Variants in ZNF480 observed in about 807,000 individuals in gnomAD.
The protein encoded by ZNF480 is zinc finger protein 480.
In ZNF480, 15 loss-of-function variants were observed where a neutral mutation model predicts 14.4. The observed-to-expected ratio is 1.04, with a 90% CI of 0.70 to 1.60. ZNF480 has a LOEUF of 1.60. ZNF480 is among the 40% of genes most tolerant of loss of function. The pLI is 0.00. For missense variants in ZNF480, 593 were observed against 629.7 expected, an observed-to-expected ratio of 0.94 and a Z score of 0.62; for synonymous variants, 218 against 215.5, an observed-to-expected ratio of 1.01 and a Z score of -0.10.
chr19:52,300,564 A>C, intron 2 of ZNF480, 80 bp downstream of exon 2: 12 of 1,594,916 alleles, frequency 7.5e-6, no homozygotes, highest in Non-Finnish European at 1.0e-5. Flanking sequence ...GTCTTCTCTG[A>C]GTCTGAAGTG....
chr19:52,300,642 G>A (rs1982646579), intron 2 of ZNF480, 158 bp downstream of exon 2: 9 of 1,314,768 alleles, frequency 6.8e-6, no homozygotes, highest in Admixed American at 6.3e-5. Flanking sequence ...CTTGGTCGTG[G>A]GGACCCTAAC....
At chr19:52,298,536 CAGG>C (rs1378953074) in intron 1 of ZNF480, among the ~76,000 whole-genome samples, 1 of 151,726 alleles carries the variant, frequency 6.6e-6, no homozygotes, top group Non-Finnish European at 1.5e-5. Flanking sequence ...GAGGCTGAGG[CAGG>C]AGAATTGCTT....
At chr19:52,303,672 T>A (rs1424349872) in intron 2 of ZNF480, among the ~76,000 whole-genome samples, 1 of 152,222 alleles carries the variant, frequency 6.6e-6, no homozygotes, top group Non-Finnish European at 1.5e-5. Flanking sequence ...TGTACTTGTT[T>A]TTCAATGAGT....
intron 2 of ZNF480, among the ~76,000 whole-genome samples, chr19:52,313,294 C>T (rs1017467260): frequency 2.0e-5 from 3 of 151,760 alleles, no homozygotes; most frequent in African/African-American, 7.3e-5. Flanking sequence ...CATACCACCA[C>T]GCCCAGCTAA....
chr19:52,298,610 G>A (rs1287047226), intron 1 of ZNF480, among the ~76,000 whole-genome samples: 2 of 150,632 alleles, frequency 1.3e-5, no homozygotes, highest in Admixed American at 1.3e-4. Flanking sequence ...CAGGCTGGGC[G>A]ACAAGAGCAA....
At position 52,315,435 on chromosome 19, in the gene ZNF480, CT is replaced by C. The variant is rs1463390614; in HGVS notation, c.200-398del. On this transcript the variant is annotated intron_variant, in intron 3 of 4. Coordinates refer to ENST00000595962, the MANE Select transcript of ZNF480 (RefSeq NM_144684.4). Reference sequence around the variant, plus strand: ...GGGTCAAATGATTCTCCTGCCTTAACTGCTCGAGTAGCTGGGATTAGAGGCA... The same window carrying C: ...GGGTCAAATGATTCTCCTGCCTTAACGCTCGAGTAGCTGGGATTAGAGGCA... Among the ~76,000 whole-genome samples the C allele has an allele frequency of 2.0e-5, 3 of 151,932 alleles. No individual in the cohort carries two copies. In the East Asian group the frequency reaches 5.8e-4, roughly 29 times the overall value.
rs914815305 is a variant in ZNF480 at position 52,322,194 on chromosome 19, A to T, written c.944A>T (p.Tyr315Phe). The T allele has an allele frequency of 2.5e-6, 4 of 1,614,118 alleles. No individual in the cohort carries two copies. The highest frequency in any genetic ancestry group is 3.4e-6 in the Non-Finnish European group (4 of 1,180,018). Residue 315 changes from tyrosine (Y) to phenylalanine (F), a missense_variant, in exon 5 of 5, where the codon TAC becomes TTC. Physicochemically the swap from Tyr to Phe is conservative, Grantham distance 22. Transcript: ENST00000595962. The stretch of plus-strand genomic sequence containing the variant: ...AGAATTCATGCTGAAGAGAAACCTT[A>T]CAAATGTAATGAATGTGGTAAAGGC... ...HQRIHAEEKPYKCNECGKGFS... is the reference protein window; with the variant it reads ...HQRIHAEEKPFKCNECGKGFS...
chr19:52,315,737 T>C (rs1433554568), intron 3 of ZNF480, 97 bp from the exon 4 acceptor site: 2 of 1,401,232 alleles, frequency 1.4e-6, no homozygotes, highest in South Asian at 1.5e-5. Context: ...TGAAATATTA[T>C]TCTTGATTCA....
chr19:52,319,916 C>G (rs2122559699), intron 4 of ZNF480, among the ~76,000 whole-genome samples: 1 of 148,326 alleles, frequency 6.7e-6, no homozygotes, highest in Admixed American at 6.8e-5. Flanking sequence ...CTCCCAGGTT[C>G]AAGCGATTCT....
In ZNF480 at chr19:52,324,034, G is replaced by A. The variant is rs888691844; in HGVS notation, c.*1176G>A. The stretch of plus-strand genomic sequence containing the variant: ...TTTCTCTTGCAGAAGATATAATTCT[G>A]TATTTAGAAAACCTGTTGTCTCTGC... On this transcript the variant is annotated 3_prime_UTR_variant, in exon 5 of 5. Transcript: ENST00000595962. 1 of 152,108 alleles carries A rather than the reference G, an allele frequency of 6.6e-6. No homozygotes were observed. Among genetic ancestry groups the A allele is most frequent in the African/African-American group, 2.4e-5 (1 of 41,432 alleles). 9.4% of individuals were successfully genotyped at this position (152,108 alleles called of 1,614,324 possible).
At chr19:52,298,034 A>G (rs894937233) in intron 1 of ZNF480, 4 of 152,476 alleles carry the variant, frequency 2.6e-5, no homozygotes, top group Non-Finnish European at 4.4e-5. Flanking sequence ...GAAAAAAGCA[A>G]CTGGAGAAAT....
chr19:52,297,546 A>C (rs3810122), intron 1 of ZNF480, among the ~76,000 whole-genome samples: 1 of 152,104 alleles, frequency 6.6e-6, no homozygotes, highest in African/African-American at 2.4e-5. Flanking sequence ...ATTCCGGTCT[A>C]TGCGGTCCCC....
intron 2 of ZNF480, 143 bp from the exon 3 acceptor site, chr19:52,314,010 C>T: frequency 2.2e-6 from 2 of 917,924 alleles, no homozygotes; most frequent in Non-Finnish European, 3.1e-6. Context: ...TTTACAGACA[C>T]ATAACTACAT....
Position 52,307,013 on chromosome 19 carries a change from C to T in ZNF480, c.72+6529C>T, listed in dbSNP as rs11880666. Reference sequence around the variant, plus strand: ...TAGCTGGCAAGGAAACCTTCTCTGTCACTTCTTCTGTACTTCATTACACTC... The same window carrying T: ...TAGCTGGCAAGGAAACCTTCTCTGTTACTTCTTCTGTACTTCATTACACTC... On this transcript the variant is annotated intron_variant, in intron 2 of 4. Coordinates refer to ENST00000595962, the MANE Select transcript of ZNF480 (RefSeq NM_144684.4). Among the ~76,000 whole-genome samples the T allele has an allele frequency of 5.5e-3, 837 of 152,248 alleles. 10 individuals are homozygous for T. Among genetic ancestry groups the T allele is most frequent in the African/African-American group, 0.019 (804 of 41,558 alleles).
At chr19:52,303,515 A>C (rs894955894) in intron 2 of ZNF480, among the ~76,000 whole-genome samples, 2 of 152,198 alleles carry the variant, frequency 1.3e-5, no homozygotes, top group Admixed American at 1.3e-4. Context: ...CAAATAATGA[A>C]TTAGAATCCA....
chr19:52,300,662 C>A, intron 2 of ZNF480, 178 bp downstream of exon 2: 1 of 1,044,128 alleles, frequency 9.6e-7, no homozygotes. Context: ...CCTAGTGGCA[C>A]TAGAGGAATT....
At position 52,315,920 on chromosome 19, in the gene ZNF480, A is replaced by G. The variant is rs372208396; in HGVS notation, c.286A>G (p.Lys96Glu). Residue 96 changes from lysine (K) to glutamate (E), a missense_variant, in exon 4 of 5, where the codon AAA becomes GAA. By Grantham distance (56) the Lys-to-Glu change is moderately conservative. Transcript: ENST00000595962. ...TGGTGAGAGTGAAGTGAAAATAGCA[A>G]AAAATTCAGATGGGAGGGAGTGCAT... The part of the protein sequence containing the change: ...WSGESEVKIA[K>E]NSDGRECIKG... The G allele has an allele frequency of 7.4e-6, 12 of 1,612,602 alleles. No homozygotes were observed. Among genetic ancestry groups the G allele is most frequent in the Non-Finnish European group, 9.3e-6 (11 of 1,179,086 alleles).
Position 52,323,174 on chromosome 19 carries a change from C to A in ZNF480, c.*316C>A. On this transcript the variant is annotated 3_prime_UTR_variant, in exon 5 of 5. Transcript: ENST00000595962. ...AAAAACCCTCAAAGATTACTATAAA[C>A]ACCTGTATGCACACAAACTAGAAAA... The A allele has an allele frequency of 4.3e-6, 1 of 230,744 alleles. No individual in the cohort carries two copies. Among genetic ancestry groups the A allele is most frequent in the Non-Finnish European group, 8.4e-6 (1 of 118,928 alleles). 14.3% of individuals were successfully genotyped at this position (230,744 alleles called of 1,614,324 possible).
At position 52,306,900 on chromosome 19, in the gene ZNF480, A is replaced by G. The variant is rs79690703; in HGVS notation, c.72+6416A>G. Among the ~76,000 whole-genome samples the G allele has an allele frequency of 1.3e-3, 200 of 152,296 alleles. 3 individuals carry two copies. The East Asian group carries it at 0.035, about 27-fold the overall frequency. On this transcript the variant is annotated intron_variant, in intron 2 of 4. Transcript: ENST00000595962. ...TTGTCCAGTGTCCTCTGGAAAAGAA[A>G]GACCTGGAGGGTGAGGCCACTCTTT...
Sources: gnomAD v4.1 joint callset for allele counts (sites outside exome capture counted in the v4.1 genomes callset) on GRCh38, gnomAD v4.1.1 for gene constraint, MANE v1.5 for transcripts, NCBI Gene and HGNC (gene_info 2026-07-23, HGNC 2026-07-21) for gene names.